Variants in MUC3A observed in about 807,000 individuals in gnomAD.
MUC3A encodes the protein mucin-3A.
In MUC3A, 109 loss-of-function variants were observed where a neutral mutation model predicts 109.0. The ratio of observed to expected loss-of-function variants is 1.00; its 90% CI spans 0.86 to 1.17. The LOEUF (loss-of-function observed/expected upper bound fraction) is 1.17, where lower values mean the gene tolerates loss of function less well. Ranked by LOEUF, MUC3A falls within the 50% of genes most tolerant of loss-of-function variation. The pLI is 0.00. For synonymous variants in MUC3A, 1,398 were observed against 981.4 expected, an observed-to-expected ratio of 1.42 and a Z score of -7.93; for missense variants, 3,537 against 2,469.4, an observed-to-expected ratio of 1.43 and a Z score of -9.16.
chr7:100,958,213 C>T lies in MUC3A; in HGVS notation c.6434C>T (p.Thr2145Ile). ...GCCACACACAGTACTCCCAACTTCA[C>T]TTCTTCAATCACCACCACCGAGACC... ...ENATHSTPNF[T>I]SSITTTETTS... Residue 2145 changes from threonine (T) to isoleucine (I), a missense_variant, in exon 2 of 12, where the codon ACT becomes ATT. Transcript: ENST00000379458. 2 of 1,328,574 alleles carry T rather than the reference C, an allele frequency of 1.5e-6. No individual in the cohort carries two copies. Among genetic ancestry groups the T allele is most frequent in the East Asian group, 2.4e-5 (1 of 42,018 alleles). The allele number at this position is 1,328,574 out of a possible 1,614,324, so 82.3% of individuals were successfully genotyped here.
rs1232252648 is a variant in MUC3A at position 100,958,600 on chromosome 7, C to T, written c.6821C>T (p.Thr2274Ile). The change falls in exon 2 of 12, where the codon ACT becomes ATT. Residue 2274 changes from threonine (T) to isoleucine (I), a missense_variant. Coordinates refer to ENST00000379458, the MANE Select transcript of MUC3A (RefSeq NM_005960.2). Reference sequence around the variant, plus strand: ...ACCTCACATGATACTCCCAGCTTCACTTCTTCAATCACCACCAGTGAGACC... The same window carrying T: ...ACCTCACATGATACTCCCAGCTTCATTTCTTCAATCACCACCAGTGAGACC... ...ETTSHDTPSF[T>I]SSITTSETPS... 2.1e-6 allele frequency: 3 copies of T among 1,415,400 alleles called. No individual in the cohort carries two copies. The highest frequency in any genetic ancestry group is 3.5e-5 in the Admixed American group (2 of 57,450). The allele number at this position is 1,415,400 out of a possible 1,614,324, so 87.7% of individuals were successfully genotyped here.
chr7:100,965,596 C>G (rs1018893373), intron 7 of MUC3A, 108 bp from the exon 8 acceptor site: 31 of 1,517,804 alleles, frequency 2.0e-5, no homozygotes, highest in Non-Finnish European at 2.6e-5. Flanking sequence ...CAGCATCCCA[C>G]CTCGGAAATG....
Position 100,963,205 on chromosome 7 carries a change from C to G in MUC3A, c.9107C>G (p.Pro3036Arg), listed in dbSNP as rs186637471. ...MEVSVDQQFS[P>R]DLNDNTSQAY... ...GTGTCTGTGGATCAGCAGTTCTCGC[C>G]GGACCTCAATGACAACACTTCCCAG... Residue 3036 changes from proline (P) to arginine (R), a missense_variant, in exon 4 of 12, where the codon CCG becomes CGG. Transcript: ENST00000379458. The G allele has an allele frequency of 5.0e-6, 8 of 1,598,038 alleles. No homozygotes were observed. In the East Asian group the frequency reaches 1.1e-4, roughly 22 times the overall value.
intron 1 of MUC3A, among the ~76,000 whole-genome samples, chr7:100,950,299 G>A (rs150637570): frequency 1.2e-3 from 181 of 152,372 alleles, no homozygotes; most frequent in African/African-American, 4.2e-3. Context: ...CGCTTCCAAG[G>A]GTGCGTCTGA....
Position 100,952,901 on chromosome 7 carries a change from C to A in MUC3A, c.1122C>A (p.Leu374=). ...CTCTCCCACCCACCTCTTCCTCTCT[C>A]CCAACCACAGAAACAGCCACGACTC... The part of the protein sequence containing the change: ...ETSLPPTSSS[L]PTTETATTPM... Residue 374 remains leucine (L), a synonymous_variant, in exon 2 of 12, where the codon CTC becomes CTA. Coordinates refer to ENST00000379458, the MANE Select transcript of MUC3A (RefSeq NM_005960.2). 1 of 1,460,564 alleles carries A rather than the reference C, an allele frequency of 6.8e-7. No individual in the cohort carries two copies. Among genetic ancestry groups the A allele is most frequent in the East Asian group, 2.5e-5 (1 of 40,084 alleles). The allele number at this position is 1,460,564 out of a possible 1,614,324, so 90.5% of individuals were successfully genotyped here. A position where few individuals can be genotyped will look rare whatever the true frequency, so the allele number is the denominator to read the frequency against.
At position 100,953,047 on chromosome 7, in the gene MUC3A, C is replaced by T. The variant is rs898050775; in HGVS notation, c.1268C>T (p.Pro423Leu). The change falls in exon 2 of 12, where the codon CCT becomes CTT. Residue 423 changes from proline (P) to leucine (L), a missense_variant. Coordinates refer to ENST00000379458, the MANE Select transcript of MUC3A (RefSeq NM_005960.2). ...TSTTAISSLP[P>L]TSGTMVTSTT... The stretch of plus-strand genomic sequence containing the variant: ...ACAACTGCCATCTCCTCACTTCCCC[C>T]TACCTCAGGTACTATGGTGACTTCC... The T allele has an allele frequency of 2.0e-6, 3 of 1,491,402 alleles. No individual in the cohort carries two copies. Among genetic ancestry groups the T allele is most frequent in the Admixed American group, 1.7e-5 (1 of 59,808 alleles). 92.4% of individuals were successfully genotyped at this position (1,491,402 alleles called of 1,614,324 possible).
chr7:100,956,934 G>A lies in MUC3A; in HGVS notation c.5155G>A (p.Val1719Ile). The part of the protein sequence containing the change: ...FTKMETPSST[V>I]ATTGTGQTTF... ...AAAGATGGAAACACCTTCATCCACT[G>A]TAGCAACTACAGGCACAGGTCAGAC... Residue 1719 changes from valine (V) to isoleucine (I), a missense_variant, in exon 2 of 12, where the codon GTA becomes ATA. By Grantham distance (29) the Val-to-Ile change is conservative (BLOSUM62 3). Transcript: ENST00000379458. The A allele has an allele frequency of 4.8e-6, 2 of 414,624 alleles. No individual in the cohort carries two copies. Among genetic ancestry groups the A allele is most frequent in the Admixed American group, 4.3e-5 (1 of 23,408 alleles). The allele number at this position is 414,624 out of a possible 1,614,324, so 25.7% of individuals were successfully genotyped here.
chr7:100,966,318 G>A, intron 8 of MUC3A, 68 bp from the exon 9 acceptor site: 1 of 1,228,858 alleles, frequency 8.1e-7, no homozygotes, highest in Non-Finnish European at 1.0e-6. Context: ...CGCCCCCGCG[G>A]GGCCCAGGTG....
intron 1 of MUC3A, among the ~76,000 whole-genome samples, chr7:100,951,069 G>A (rs557720081): frequency 1.3e-5 from 2 of 152,240 alleles, no homozygotes; most frequent in East Asian, 3.9e-4. Flanking sequence ...GAGTGCAGTG[G>A]CACCATCTCA....
rs986530564 is a variant in MUC3A at position 100,954,333 on chromosome 7, A to T, written c.2554A>T (p.Met852Leu). Residue 852 changes from methionine to leucine, a missense_variant, in exon 2 of 12, where the codon ATG becomes TTG. Transcript: ENST00000379458. ...DLTSVYTVSN[M>L]SARPTTVIPS... ...CACCTCAGTGTACACAGTCTCTAAC[A>T]TGTCTGCAAGGCCAACAACTGTCAT... 0.011 allele frequency: 4,652 copies of T among 404,530 alleles called. 4 individuals are homozygous for T. The highest frequency in any genetic ancestry group is 0.088 in the African/African-American group (4,279 of 48,642). 25.1% of individuals were successfully genotyped at this position (404,530 alleles called of 1,614,324 possible). A position where few individuals can be genotyped will look rare whatever the true frequency, so the allele number is the denominator to read the frequency against.
In MUC3A at chr7:100,955,413, G is replaced by A. The variant is rs900056667; in HGVS notation, c.3634G>A (p.Gly1212Ser). The change falls in exon 2 of 12, where the codon GGT (glycine) becomes AGT (serine). Residue 1212 changes from glycine to serine, a missense_variant. Physicochemically the swap from Gly to Ser is moderately conservative, Grantham distance 56. Transcript: ENST00000379458. ...TITYPSVGST[G>S]FLTTATDLTS... ...CACCTACCCTTCTGTGGGCTCTACC[G>A]GTTTCCTGACTACAGCAACAGACCT... 33,355 of 603,914 alleles carry A rather than the reference G, an allele frequency of 0.055. 1,090 individuals are homozygous for A. Among genetic ancestry groups the A allele is most frequent in the African/African-American group, 0.27 (14,278 of 52,470 alleles). 37.4% of individuals were successfully genotyped at this position (603,914 alleles called of 1,614,324 possible).
At chr7:100,963,060 C>A in intron 3 of MUC3A, 91 bp from the exon 4 acceptor site, 1 of 1,419,614 alleles carries the variant, frequency 7.0e-7, no homozygotes. Flanking sequence ...AGGGGAGCAG[C>A]AGGAGGAGCC....
At position 100,959,500 on chromosome 7, in the gene MUC3A, C is replaced by G. The variant is rs1015494751; in HGVS notation, c.7721C>G (p.Pro2574Arg). Reference sequence around the variant, plus strand: ...TTTAGCACAAGTATTGTTGTTATACCTGAAACCCCAACACAGACCCCTCCT... The same window carrying G: ...TTTAGCACAAGTATTGTTGTTATACGTGAAACCCCAACACAGACCCCTCCT... ...SSFSTSIVVI[P>R]ETPTQTPPVL... The change falls in exon 2 of 12, where the codon CCT becomes CGT. Residue 2574 changes from proline to arginine, a missense_variant. Pro to Arg is a moderately radical substitution (Grantham distance 103). Transcript: ENST00000379458. The G allele has an allele frequency of 1.3e-6, 2 of 1,586,452 alleles. No homozygotes were observed. The highest frequency in any genetic ancestry group is 1.3e-5 in the African/African-American group (1 of 74,622).
At position 100,967,403 on chromosome 7, in the gene MUC3A, C is replaced by T; in HGVS notation, c.*241C>T. ...GAATCTTGGGCAAGTCAGTAACGAG[C>T]CTCAGTTTCCTCACCTGCAAAACGG... On this transcript the variant is annotated 3_prime_UTR_variant, in exon 12 of 12. Transcript: ENST00000379458. The T allele has an allele frequency of 1.6e-6, 1 of 626,428 alleles. No individual in the cohort carries two copies. Among genetic ancestry groups the T allele is most frequent in the Non-Finnish European group, 2.8e-6 (1 of 361,832 alleles). 38.8% of individuals were successfully genotyped at this position (626,428 alleles called of 1,614,324 possible). A position where few individuals can be genotyped will look rare whatever the true frequency, so the allele number is the denominator to read the frequency against.
Position 100,965,470 on chromosome 7 carries a change from G to A in MUC3A, c.9448+123G>A, listed in dbSNP as rs1262830278. The A allele has an allele frequency of 1.6e-5, 24 of 1,491,536 alleles. No homozygotes were observed. The South Asian group carries it at 2.6e-4, about 16-fold the overall frequency. The allele number at this position is 1,491,536 out of a possible 1,614,324, so 92.4% of individuals were successfully genotyped here. ...TGGGGGAGGCAAGTCATGTGGCCCA[G>A]GGCGGCCCTTCCTGGCGCTGGTTAG... On this transcript the variant is annotated intron_variant, in intron 7 of 11. Transcript: ENST00000379458.
chr7:100,949,642 C>T lies in MUC3A; in HGVS notation c.18C>T (p.Leu6=), dbSNP rs1422890484. Residue 6 remains leucine, a synonymous_variant, in exon 1 of 12, where the codon CTC becomes CTT. Coordinates refer to ENST00000379458, the MANE Select transcript of MUC3A (RefSeq NM_005960.2). Reference sequence around the variant, plus strand: ...CTGGGCCCATGCAGCTGTTGGGGCTCCTCGGCCTCCTCTGGATGCTCAAGG... The same window carrying T: ...CTGGGCCCATGCAGCTGTTGGGGCTTCTCGGCCTCCTCTGGATGCTCAAGG... The part of the protein sequence containing the change: MQLLG[L]LGLLWMLKAS... 6.4e-7 allele frequency: 1 copy of T among 1,556,002 alleles called. No individual in the cohort carries two copies. Among genetic ancestry groups the T allele is most frequent in the Admixed American group, 1.9e-5 (1 of 53,202 alleles).
chr7:100,960,328 C>T lies in MUC3A; in HGVS notation c.8549C>T (p.Thr2850Ile), dbSNP rs1436912433. 4 of 1,598,534 alleles carry T rather than the reference C, an allele frequency of 2.5e-6. No individual in the cohort carries two copies. ...SSISPNASSS[T>I]GTGTVPTNTV... ...ATCTCACCCAATGCTTCCAGTTCCACTGGCACTGGGACTGTACCCACAAAC... is the reference window on the plus strand; with the variant it reads ...ATCTCACCCAATGCTTCCAGTTCCATTGGCACTGGGACTGTACCCACAAAC... The change falls in exon 2 of 12, where the codon ACT becomes ATT. Residue 2850 changes from threonine to isoleucine, a missense_variant. Physicochemically the swap from Thr to Ile is moderately conservative, Grantham distance 89 (BLOSUM62 -1). Coordinates refer to ENST00000379458, the MANE Select transcript of MUC3A (RefSeq NM_005960.2).
At chr7:100,961,530 C>G (rs1289827212) in intron 3 of MUC3A, among the ~76,000 whole-genome samples, 1 of 152,310 alleles carries the variant, frequency 6.6e-6, no homozygotes, top group Non-Finnish European at 1.5e-5. Context: ...TTAATTTTCT[C>G]AAGATCAGCT....
In MUC3A at chr7:100,959,930, C is replaced by G; in HGVS notation, c.8151C>G (p.Phe2717Leu). The G allele has an allele frequency of 2.0e-6, 3 of 1,513,426 alleles. No homozygotes were observed. Among genetic ancestry groups the G allele is most frequent in the Non-Finnish European group, 2.6e-6 (3 of 1,141,880 alleles). 93.7% of individuals were successfully genotyped at this position (1,513,426 alleles called of 1,614,324 possible). ...CTGTTCCTTCTTCACCATACATTTT[C>G]AGTACAGAAAATGTGGGCTCCGCTT... is the stretch of plus-strand genomic sequence containing the variant. Reference protein sequence around the residue: ...IHSVPSSPYIFSTENVGSASI... With the variant: ...IHSVPSSPYILSTENVGSASI... The change falls in exon 2 of 12, where the codon TTC becomes TTG. Residue 2717 changes from phenylalanine (F) to leucine (L), a missense_variant. Phe to Leu is a conservative substitution (Grantham distance 22). Transcript: ENST00000379458.
Sources: gnomAD v4.1 joint callset for allele counts (sites outside exome capture counted in the v4.1 genomes callset) on GRCh38, gnomAD v4.1.1 for gene constraint, MANE v1.5 for transcripts, NCBI Gene and HGNC (gene_info 2026-07-23, HGNC 2026-07-21) for gene names.